The following ZWILCH variants were observed in gnomAD, a reference collection of about 807,000 sequenced individuals.
The protein encoded by ZWILCH is protein zwilch homolog.
In ZWILCH, 74 loss-of-function variants were observed where a neutral mutation model predicts 79.9. The observed-to-expected ratio is 0.93, with a 90% confidence interval of 0.77 to 1.12. ZWILCH has a LOEUF of 1.12. Ranked by LOEUF, ZWILCH falls within the 50% of genes most tolerant of loss-of-function variation. The pLI is 0.00. For missense variants in ZWILCH, 694 were observed against 687.5 expected (o/e 1.01, Z -0.11); for synonymous variants, 241 against 228.2 (o/e 1.06, Z -0.51).
rs1894607768 is a variant in ZWILCH at position 66,524,493 on chromosome 15, ATC to A, written c.819+746_819+747del. 3 of 151,976 alleles carry A rather than the reference ATC, an allele frequency of 2.0e-5. No homozygotes were observed. The South Asian group carries it at 6.2e-4, about 32-fold the overall frequency. 9.4% of individuals were successfully genotyped at this position (151,976 alleles called of 1,614,324 possible). A position where few individuals can be genotyped will look rare whatever the true frequency, so the allele number is the denominator to read the frequency against. ...TGTAGCTCGGATCCTGTCATACTCT[ATC>A]ATCTTCTGGTGTGTGCATCTTGATC... is the stretch of plus-strand genomic sequence containing the variant. On this transcript the variant is annotated intron_variant, in intron 8 of 18. Transcript: ENST00000307897.
At chr15:66,518,610 T>G (rs1894375232) in intron 4 of ZWILCH, among the ~76,000 whole-genome samples, 1 of 152,154 alleles carries the variant, frequency 6.6e-6, no homozygotes. Flanking sequence ...GCAAGTAGTT[T>G]GAGACCAGCC....
intron 1 of ZWILCH, chr15:66,505,802 C>T (rs1893791689): frequency 1.4e-5 from 3 of 218,586 alleles, no homozygotes; most frequent in Non-Finnish European, 2.7e-5. Context: ...GAGGTAGTTG[C>T]CACATCAGCT....
At chr15:66,547,384 G>A (rs1895417328) in intron 18 of ZWILCH, 1 of 151,486 alleles carries the variant, frequency 6.6e-6, no homozygotes, top group Non-Finnish European at 1.5e-5. Context: ...ATTTTTAGTA[G>A]AGACATTTTC....
Position 66,521,075 on chromosome 15 carries a change from A to G in ZWILCH, c.617A>G (p.Tyr206Cys). The G allele has an allele frequency of 6.2e-7, 1 of 1,614,160 alleles. No homozygotes were observed. The highest frequency in any genetic ancestry group is 8.5e-7 in the Non-Finnish European group (1 of 1,180,024). ...GTAACATCCAAAGGCTTTGCCCAGTATGAGCTCTTTAAGTCCTCTGCCTTG... is the reference window on the plus strand; with the variant it reads ...GTAACATCCAAAGGCTTTGCCCAGTGTGAGCTCTTTAAGTCCTCTGCCTTG... Reference protein sequence around the residue: ...STVTSKGFAQYELFKSSALDD... With the variant: ...STVTSKGFAQCELFKSSALDD... The change falls in exon 7 of 19, where the codon TAT becomes TGT. Residue 206 changes from tyrosine to cysteine, a missense_variant. Physicochemically the swap from Tyr to Cys is radical, Grantham distance 194. Coordinates refer to ENST00000307897, the MANE Select transcript of ZWILCH (RefSeq NM_017975.5).
At chr15:66,510,177 CTAATAAAATAAAA>C (rs1308485053) in intron 2 of ZWILCH, among the ~76,000 whole-genome samples, 229 of 124,064 alleles carry the variant, frequency 1.8e-3, no homozygotes, top group African/African-American at 6.0e-3. Context: ...AACTCCGTCT[CTAATAAAATAAAA>C]TAATAAAATA....
rs1204433291 is a variant in ZWILCH at position 66,549,449 on chromosome 15, C to T, written c.*1125C>T. The T allele has an allele frequency of 6.6e-6, 1 of 152,210 alleles. No homozygotes were observed. The highest frequency in any genetic ancestry group is 1.9e-4 in the East Asian group (1 of 5,186). 9.4% of individuals were successfully genotyped at this position (152,210 alleles called of 1,614,324 possible). ...AGGAAAGCATATTTCTCTGATTGCCCTTATGGAGAAATAAAGATAAAATTC... is the reference window on the plus strand; with the variant it reads ...AGGAAAGCATATTTCTCTGATTGCCTTTATGGAGAAATAAAGATAAAATTC... On this transcript the variant is annotated 3_prime_UTR_variant, in exon 19 of 19. Coordinates refer to ENST00000307897, the MANE Select transcript of ZWILCH (RefSeq NM_017975.5).
At chr15:66,513,891 A>G (rs1291472093) in intron 2 of ZWILCH, 97 bp from the exon 3 acceptor site, 4 of 979,408 alleles carry the variant, frequency 4.1e-6, no homozygotes, top group Non-Finnish European at 5.9e-6. Context: ...CTCTTAAGGA[A>G]ATTTTCCATT....
At chr15:66,545,331 G>GC (rs1895335426) in intron 17 of ZWILCH, among the ~76,000 whole-genome samples, 2 of 152,034 alleles carry the variant, frequency 1.3e-5, no homozygotes, top group African/African-American at 4.8e-5. Context: ...TCCAGCCTGG[G>GC]CAGCAATAGC....
chr15:66,539,764 A>C (rs749228386), intron 16 of ZWILCH, among the ~76,000 whole-genome samples: 3 of 151,980 alleles, frequency 2.0e-5, no homozygotes, highest in Non-Finnish European at 4.4e-5. Context: ...CTGCCTAACT[A>C]ACTCCTGGTT....
At chr15:66,548,179 A>C (rs969909924) in intron 18 of ZWILCH, 172 bp from the exon 19 acceptor site, 5 of 191,364 alleles carry the variant, frequency 2.6e-5, no homozygotes, top group African/African-American at 1.2e-4. Flanking sequence ...TAGAGTGATA[A>C]ACAATCAAGT....
At chr15:66,542,279 T>C (rs974591181) in intron 17 of ZWILCH, among the ~76,000 whole-genome samples, 1 of 150,760 alleles carries the variant, frequency 6.6e-6, no homozygotes, top group African/African-American at 2.5e-5. Context: ...TGAAACACCA[T>C]CTCTACTAAA....
At position 66,546,687 on chromosome 15, in the gene ZWILCH, T is replaced by C. The variant is rs761351607; in HGVS notation, c.*8T>C. 6.3e-7 allele frequency: 1 copy of C among 1,593,598 alleles called. No individual in the cohort carries two copies. Among genetic ancestry groups the C allele is most frequent in the Non-Finnish European group, 8.6e-7 (1 of 1,167,704 alleles). On this transcript the variant is annotated 3_prime_UTR_variant, in exon 18 of 19. Coordinates refer to ENST00000307897, the MANE Select transcript of ZWILCH (RefSeq NM_017975.5). ...CAGGTGCATTTCAAGTGAAGTGTGC[T>C]GATGAAGTCCTCTATAAGGTATTTA...
rs774042224 is a variant in ZWILCH, at chr15:66,514,023, A to G, written c.141A>G (p.Gln47=). ...DVQVQLISKG[Q]PNPLKNILNE... ...AAGTGCAGTTGATCAGCAAAGGCCA[A>G]CCAAACCCTTTGAAAAATATTCTAA... The change falls in exon 3 of 19, where the codon CAA becomes CAG. Residue 47 remains glutamine, a synonymous_variant. Coordinates refer to ENST00000307897, the MANE Select transcript of ZWILCH (RefSeq NM_017975.5). 3 of 1,612,794 alleles carry G rather than the reference A, an allele frequency of 1.9e-6. No individual in the cohort carries two copies. Among genetic ancestry groups the G allele is most frequent in the African/African-American group, 2.7e-5 (2 of 74,910 alleles).
chr15:66,521,256 G>A, intron 7 of ZWILCH, 51 bp downstream of exon 7: 1 of 1,588,756 alleles, frequency 6.3e-7, no homozygotes, highest in Non-Finnish European at 8.5e-7. Flanking sequence ...CCTAAATGTT[G>A]GCTTACTTGG....
At chr15:66,532,644 C>G (rs931963518) in intron 13 of ZWILCH, among the ~76,000 whole-genome samples, 1 of 151,676 alleles carries the variant, frequency 6.6e-6, no homozygotes, top group East Asian at 1.9e-4. Context: ...CAAACATTTG[C>G]GGTTCTATAA....
chr15:66,528,013 T>C (rs1460904745), intron 10 of ZWILCH, 101 bp downstream of exon 10: 8 of 907,998 alleles, frequency 8.8e-6, no homozygotes, highest in Non-Finnish European at 1.3e-5. Flanking sequence ...GGATTTGGGA[T>C]ATCAAGGCAG....
intron 1 of ZWILCH, chr15:66,505,709 G>A: frequency 2.5e-6 from 1 of 400,022 alleles, no homozygotes; most frequent in South Asian, 2.9e-5. Flanking sequence ...CGGAAAACTA[G>A]GTGTTGGCAT....
intron 7 of ZWILCH, among the ~76,000 whole-genome samples, chr15:66,522,349 T>C (rs897712916): frequency 5.5e-5 from 8 of 146,730 alleles, no homozygotes; most frequent in South Asian, 2.1e-4. Flanking sequence ...TTTTTTTTTT[T>C]CTGGGGCGGA....
intron 2 of ZWILCH, 120 bp from the exon 3 acceptor site, chr15:66,513,868 G>A (rs1264551129): frequency 7.2e-6 from 5 of 692,742 alleles, no homozygotes; most frequent in East Asian, 3.3e-5. Flanking sequence ...ACCGTGCCCG[G>A]CCGAGACTCT....
Sources: gnomAD v4.1 joint callset for allele counts (sites outside exome capture counted in the v4.1 genomes callset) on GRCh38, gnomAD v4.1.1 for gene constraint, MANE v1.5 for transcripts, NCBI Gene and HGNC (gene_info 2026-07-23, HGNC 2026-07-21) for gene names.